The following ARHGAP26 variants were observed in gnomAD, a reference collection of about 807,000 sequenced individuals.
ARHGAP26 encodes rho GTPase-activating protein 26.
ARHGAP26 carries 38 observed loss-of-function variants against 104.8 expected under a neutral mutation model. The observed-to-expected ratio is 0.36, with a 90% CI of 0.28 to 0.48. The LOEUF (loss-of-function observed/expected upper bound fraction) is 0.48. Among genes scored for constraint, ARHGAP26 ranks in the 20% least tolerant of loss-of-function variants. The pLI is 0.99. For synonymous variants in ARHGAP26, 341 were observed against 340.0 expected, an observed-to-expected ratio of 1.00 and a Z score of -0.03; for missense variants, 704 against 947.9, an observed-to-expected ratio of 0.74 and a Z score of 3.38.
intron 1 of ARHGAP26, among the ~76,000 whole-genome samples, chr5:142,869,419 C>G (rs938961561): frequency 6.6e-6 from 1 of 151,788 alleles, no homozygotes; most frequent in Non-Finnish European, 1.5e-5. Context: ...TGAGGTTTCA[C>G]TATGTTGGCC....
intron 1 of ARHGAP26, among the ~76,000 whole-genome samples, chr5:142,819,448 A>G (rs1765711893): frequency 6.6e-6 from 1 of 152,178 alleles, no homozygotes; most frequent in South Asian, 2.1e-4. Context: ...CAGGAGGGAA[A>G]GCCCTCTCCT....
chr5:143,150,804 CA>C (rs1799757347), intron 20 of ARHGAP26, among the ~76,000 whole-genome samples: 1 of 152,158 alleles, frequency 6.6e-6, no homozygotes, highest in African/African-American at 2.4e-5. Context: ...ATGTAAAATG[CA>C]AAACTGTAAA....
intron 11 of ARHGAP26, among the ~76,000 whole-genome samples, chr5:142,987,128 C>T (rs1774866051): frequency 6.6e-6 from 1 of 152,184 alleles, no homozygotes; most frequent in Admixed American, 6.5e-5. Context: ...TATCCATGAG[C>T]ATAGAATGTT....
At chr5:143,065,288 G>A (rs72801212) in intron 17 of ARHGAP26, among the ~76,000 whole-genome samples, 2 of 152,082 alleles carry the variant, frequency 1.3e-5, no homozygotes, top group Non-Finnish European at 2.9e-5. Flanking sequence ...AAATTGATTC[G>A]CTCACACTGT....
chr5:143,011,857 A>G (rs566658873), intron 11 of ARHGAP26, among the ~76,000 whole-genome samples: 2 of 152,246 alleles, frequency 1.3e-5, no homozygotes, highest in East Asian at 1.9e-4. Context: ...CTCAAATTCC[A>G]TGAATGTTAA....
At chr5:143,074,325 A>T (rs1788682380) in intron 17 of ARHGAP26, among the ~76,000 whole-genome samples, 1 of 152,198 alleles carries the variant, frequency 6.6e-6, no homozygotes, top group South Asian at 2.1e-4. Flanking sequence ...CTTTTCGTCC[A>T]TTATAGAACT....
At chr5:142,898,009 G>T (rs1759724413) in intron 6 of ARHGAP26, among the ~76,000 whole-genome samples, 1 of 152,124 alleles carries the variant, frequency 6.6e-6, no homozygotes, top group South Asian at 2.1e-4. Flanking sequence ...TATGCAAATC[G>T]ACCGTGTTCA....
chr5:142,935,163 A>G (rs1288674576), intron 11 of ARHGAP26, among the ~76,000 whole-genome samples: 2 of 152,184 alleles, frequency 1.3e-5, no homozygotes, highest in East Asian at 1.9e-4. Context: ...ACTGAAAAAT[A>G]CTGGAGTCTA....
At chr5:143,042,026 GC>G in intron 14 of ARHGAP26, 136 bp downstream of exon 14, 1 of 707,996 alleles carries the variant, frequency 1.4e-6, no homozygotes, top group Non-Finnish European at 2.5e-6. Context: ...GAAGTCATCT[GC>G]CCCATCGGTC....
chr5:143,035,128 A>T (rs557728085), intron 12 of ARHGAP26, among the ~76,000 whole-genome samples: 1 of 152,344 alleles, frequency 6.6e-6, no homozygotes, highest in African/African-American at 2.4e-5. Flanking sequence ...ACTAAGCAAT[A>T]AGTATGTATG....
At chr5:143,012,115 C>T (rs1174222316) in intron 11 of ARHGAP26, among the ~76,000 whole-genome samples, 3 of 152,162 alleles carry the variant, frequency 2.0e-5, no homozygotes, top group Non-Finnish European at 4.4e-5. Context: ...TAGGTATATG[C>T]ATTGATGCCT....
chr5:143,122,581 T>A (rs1289617830), intron 18 of ARHGAP26, among the ~76,000 whole-genome samples: 3 of 152,216 alleles, frequency 2.0e-5, no homozygotes, highest in Non-Finnish European at 2.9e-5. Flanking sequence ...CAACACCTCA[T>A]TCTGTAAAAT....
At chr5:143,039,528 A>AT (rs201764945) in intron 13 of ARHGAP26, among the ~76,000 whole-genome samples, 72,225 of 149,898 alleles carry the variant, frequency 0.48, 22,017 homozygotes, top group Non-Finnish European at 0.69. Flanking sequence ...AGGAGTTTTA[A>AT]TTTTTTTTTT....
intron 11 of ARHGAP26, among the ~76,000 whole-genome samples, chr5:142,967,582 C>A (rs1451519034): frequency 6.6e-6 from 1 of 152,126 alleles, no homozygotes; most frequent in Non-Finnish European, 1.5e-5. Flanking sequence ...GAGATCGAGA[C>A]CATCCTGGCT....
intron 19 of ARHGAP26, among the ~76,000 whole-genome samples, chr5:143,136,213 A>G (rs1365605832): frequency 1.3e-5 from 2 of 152,216 alleles, no homozygotes; most frequent in Non-Finnish European, 2.9e-5. Context: ...TCAGGAGAAA[A>G]TCAGCTAGAT....
At chr5:142,930,954 G>A (rs764048413) in intron 10 of ARHGAP26, among the ~76,000 whole-genome samples, 1 of 152,162 alleles carries the variant, frequency 6.6e-6, no homozygotes, top group Non-Finnish European at 1.5e-5. Flanking sequence ...TGCTCAGGGT[G>A]TTGCTCAGCC....
At chr5:143,008,914 A>T (rs1346029886) in intron 11 of ARHGAP26, among the ~76,000 whole-genome samples, 1 of 152,240 alleles carries the variant, frequency 6.6e-6, no homozygotes, top group Non-Finnish European at 1.5e-5. Context: ...CTGGCTCAGC[A>T]GTGAACAGAA....
In ARHGAP26 at chr5:143,147,167, A is replaced by G. The variant is rs1031870432; in HGVS notation, c.1838-64A>G. The G allele has an allele frequency of 2.6e-6, 4 of 1,529,388 alleles. No individual in the cohort carries two copies. In the African/African-American group the frequency reaches 4.1e-5, roughly 16 times the overall value. The allele number at this position is 1,529,388 out of a possible 1,614,324, so 94.7% of individuals were successfully genotyped here. ...TCTTATTCTTTATACATTTTTGTGCATGTAGCAATAGACTGTCCCTATGCA... is the reference window on the plus strand; with the variant it reads ...TCTTATTCTTTATACATTTTTGTGCGTGTAGCAATAGACTGTCCCTATGCA... On this transcript the variant is annotated intron_variant, in intron 19 of 22. Coordinates refer to ENST00000645722, the MANE Select transcript of ARHGAP26 (RefSeq NM_001135608.3).
intron 1 of ARHGAP26, among the ~76,000 whole-genome samples, chr5:142,780,301 GT>G (rs1757242492): frequency 6.6e-6 from 1 of 152,124 alleles, no homozygotes; most frequent in Admixed American, 6.5e-5. Flanking sequence ...TGCAAGTAAT[GT>G]TGTTGTGAAC....
Sources: gnomAD v4.1 joint callset for allele counts (sites outside exome capture counted in the v4.1 genomes callset) on GRCh38, gnomAD v4.1.1 for gene constraint, MANE v1.5 for transcripts, NCBI Gene and HGNC (gene_info 2026-07-23, HGNC 2026-07-21) for gene names.